The following MICU2 variants were observed in gnomAD, a reference collection of about 807,000 sequenced individuals.
The protein encoded by MICU2 is mitochondrial calcium uptake 2, also known as calcium uptake protein 2, mitochondrial.
In MICU2, 64 loss-of-function variants were observed where a neutral mutation model predicts 60.4. The observed-to-expected ratio is 1.06, with a 90% confidence interval of 0.87 to 1.31. The LOEUF (loss-of-function observed/expected upper bound fraction) is 1.31. Ranked by LOEUF, MICU2 falls within the 50% of genes most tolerant of loss-of-function variation. The pLI, the probability that MICU2 is intolerant of heterozygous loss-of-function variation, is 0.00. For missense variants in MICU2, 569 were observed against 531.0 expected (o/e 1.07, Z -0.70); for synonymous variants, 201 against 175.0 (o/e 1.15, Z -1.17).
intron 1 of MICU2, among the ~76,000 whole-genome samples, chr13:21,582,612 AAAC>A (rs1367719183): frequency 2.6e-5 from 4 of 152,138 alleles, no homozygotes; most frequent in Non-Finnish European, 5.9e-5. Flanking sequence ...CTTCCTTCTA[AAAC>A]AACCTTTTTC....
intron 4 of MICU2, among the ~76,000 whole-genome samples, chr13:21,534,212 C>CTT (rs10587307): frequency 3.1e-4 from 45 of 147,412 alleles, no homozygotes; most frequent in East Asian, 2.2e-3. Flanking sequence ...TTTTCCTTTC[C>CTT]TTTTTTTTTT....
At chr13:21,552,461 C>T (rs1371128112) in intron 2 of MICU2, among the ~76,000 whole-genome samples, 3 of 152,230 alleles carry the variant, frequency 2.0e-5, no homozygotes, top group South Asian at 2.1e-4. Flanking sequence ...ATTTTGGCTT[C>T]TGTTGTCATT....
At chr13:21,585,729 C>T (rs1888441666) in intron 1 of MICU2, among the ~76,000 whole-genome samples, 1 of 152,134 alleles carries the variant, frequency 6.6e-6, no homozygotes, top group Non-Finnish European at 1.5e-5. Context: ...AATAAAACTG[C>T]AAATTCACTT....
intron 4 of MICU2, among the ~76,000 whole-genome samples, chr13:21,534,178 CTTTTTAAA>C (rs1393632264): frequency 6.7e-6 from 1 of 150,258 alleles, no homozygotes; most frequent in African/African-American, 2.4e-5. Flanking sequence ...CCAAGTAATC[CTTTTTAAA>C]TTTTTAAATA....
At chr13:21,494,667 A>C (rs1177701195) in intron 11 of MICU2, among the ~76,000 whole-genome samples, 1 of 152,178 alleles carries the variant, frequency 6.6e-6, no homozygotes, top group African/African-American at 2.4e-5. Context: ...AATTACATGT[A>C]GTTAGTCAAA....
Position 21,521,364 on chromosome 13 carries a change from T to C in MICU2, c.515-37A>G, listed in dbSNP as rs774057535. On this transcript the variant is annotated intron_variant, in intron 5 of 11. Transcript: ENST00000382374. The stretch of plus-strand genomic sequence containing the variant: ...TGAAAAATGAATATTTAAATGTTGA[T>C]GAAAACCAAGTTATTTGTAGATAGA... 1.3e-5 allele frequency: 21 copies of C among 1,557,462 alleles called. No individual in the cohort carries two copies. In the South Asian group the frequency reaches 1.4e-4, roughly 11 times the overall value.
chr13:21,598,013 T>G (rs1330363897), intron 1 of MICU2, among the ~76,000 whole-genome samples: 1 of 151,822 alleles, frequency 6.6e-6, no homozygotes, highest in Non-Finnish European at 1.5e-5. Flanking sequence ...GAGAAGACTT[T>G]TACGTATTTA....
chr13:21,519,990 T>A (rs909478356), intron 6 of MICU2, among the ~76,000 whole-genome samples: 2 of 152,152 alleles, frequency 1.3e-5, no homozygotes, highest in Admixed American at 6.5e-5. Flanking sequence ...TCCAGAAAGT[T>A]CTCTCATTTT....
At chr13:21,540,900 CTG>C (rs559449724) in intron 2 of MICU2, among the ~76,000 whole-genome samples, 85 of 152,182 alleles carry the variant, frequency 5.6e-4, no homozygotes, top group African/African-American at 1.9e-3. Context: ...CTCCAAAAAA[CTG>C]TGTAATACAT....
intron 4 of MICU2, among the ~76,000 whole-genome samples, chr13:21,528,154 A>G (rs1934527103): frequency 6.6e-6 from 1 of 152,112 alleles, no homozygotes; most frequent in African/African-American, 2.4e-5. Context: ...TTATAATAAT[A>G]CGTGTTGGTA....
intron 2 of MICU2, among the ~76,000 whole-genome samples, chr13:21,546,377 C>T (rs1004877224): frequency 7.0e-6 from 1 of 143,236 alleles, no homozygotes; most frequent in East Asian, 2.1e-4. Context: ...TTAGTTTAAA[C>T]ATGATCTGAA....
At chr13:21,535,648 CA>C (rs34870204) in intron 4 of MICU2, among the ~76,000 whole-genome samples, 9,141 of 151,990 alleles carry the variant, frequency 0.06, 360 homozygotes, top group Non-Finnish European at 0.087. Flanking sequence ...TTAAATCTTA[CA>C]AAAAAATATA....
intron 1 of MICU2, among the ~76,000 whole-genome samples, chr13:21,589,668 A>C (rs976218473): frequency 4.6e-5 from 7 of 151,846 alleles, no homozygotes; most frequent in Non-Finnish European, 8.8e-5. Context: ...TTCCACCCTG[A>C]CTCATTCGGA....
At chr13:21,530,294 T>C (rs1301663180) in intron 4 of MICU2, among the ~76,000 whole-genome samples, 1 of 152,204 alleles carries the variant, frequency 6.6e-6, no homozygotes, top group African/African-American at 2.4e-5. Flanking sequence ...TGTTTCTGGT[T>C]CCTTTTAAAG....
intron 1 of MICU2, among the ~76,000 whole-genome samples, chr13:21,594,302 G>C (rs999244112): frequency 1.3e-5 from 2 of 152,196 alleles, no homozygotes; most frequent in African/African-American, 4.8e-5. Flanking sequence ...CTGGTCATTA[G>C]AGAAATGCAA....
chr13:21,528,231 T>A (rs1222505225), intron 4 of MICU2, among the ~76,000 whole-genome samples: 4 of 152,232 alleles, frequency 2.6e-5, no homozygotes, highest in African/African-American at 9.6e-5. Context: ...ATTTTGATAG[T>A]TCTTATATGT....
At chr13:21,515,499 T>A (rs1296519467) in intron 6 of MICU2, 3 of 422,464 alleles carry the variant, frequency 7.1e-6, no homozygotes, top group Admixed American at 5.4e-5. Flanking sequence ...ACACTGTAAA[T>A]AGTACTTTGA....
intron 2 of MICU2, among the ~76,000 whole-genome samples, chr13:21,554,203 C>A (rs1460460500): frequency 2.6e-5 from 4 of 152,192 alleles, no homozygotes; most frequent in African/African-American, 9.7e-5. Context: ...CTACAGAACT[C>A]TCCACCCCAA....
At chr13:21,559,842 T>C (rs966918593) in intron 2 of MICU2, among the ~76,000 whole-genome samples, 3 of 152,180 alleles carry the variant, frequency 2.0e-5, no homozygotes, top group South Asian at 2.1e-4. Flanking sequence ...GTAGTTTCAA[T>C]TGGCATGTCC....
Sources: allele counts gnomAD v4.1 joint callset (sites outside exome capture counted in the v4.1 genomes callset), GRCh38; gene constraint gnomAD v4.1.1; transcripts MANE v1.5; gene names NCBI Gene and HGNC (gene_info 2026-07-23, HGNC 2026-07-21).